SOD2: variants seen among roughly 807,000 people sequenced by gnomAD.
SOD2 encodes superoxide dismutase [Mn], mitochondrial.
In SOD2, 11 loss-of-function variants were observed where a neutral mutation model predicts 27.0. The ratio of observed to expected loss-of-function variants is 0.41; its 90% CI spans 0.26 to 0.67. The LOEUF (loss-of-function observed/expected upper bound fraction) is 0.67. SOD2 is among the 30% of genes least tolerant of loss of function. The pLI is 0.34. For missense variants in SOD2, 250 were observed against 274.5 expected (o/e 0.91, Z 0.63); for synonymous variants, 105 against 103.0 (o/e 1.02, Z -0.12).
At position 159,676,238 on chromosome 6, in the gene SOD2, C is replaced by T; in HGVS notation, c.*6255G>A. ...GAAATACCATTTGACCCAGCCATCCCATTACTGGGTATATACCCAAAGGAT... is the reference window on the plus strand; with the variant it reads ...GAAATACCATTTGACCCAGCCATCCTATTACTGGGTATATACCCAAAGGAT... On this transcript the variant is annotated 3_prime_UTR_variant, in exon 5 of 5. Transcript: ENST00000538183. 6.6e-6 allele frequency: 1 copy of T among 152,152 alleles called. No homozygotes were observed. Among genetic ancestry groups the T allele is most frequent in the Non-Finnish European group, 1.5e-5 (1 of 68,046 alleles). The allele number at this position is 152,152 out of a possible 1,614,324, so 9.4% of individuals were successfully genotyped here.
intron 1 of SOD2, among the ~76,000 whole-genome samples, chr6:159,754,611 T>G (rs1289161341): frequency 6.6e-6 from 1 of 152,228 alleles, no homozygotes; most frequent in Non-Finnish European, 1.5e-5. Context: ...CATATAAACC[T>G]ATGTACATCT....
chr6:159,698,676 A>G (rs1777473230), intron 1 of SOD2, among the ~76,000 whole-genome samples: 2 of 151,904 alleles, frequency 1.3e-5, no homozygotes, highest in South Asian at 4.2e-4. Flanking sequence ...AAACTTAACC[A>G]CTAATAGCCT....
intron 1 of SOD2, among the ~76,000 whole-genome samples, chr6:159,723,915 C>T (rs1488744013): frequency 2.6e-5 from 4 of 152,144 alleles, no homozygotes; most frequent in Non-Finnish European, 5.9e-5. Flanking sequence ...CAGGCCACCA[C>T]CCCTGGCTAT....
chr6:159,718,574 A>T (rs1777968337), intron 1 of SOD2, among the ~76,000 whole-genome samples: 1 of 152,222 alleles, frequency 6.6e-6, no homozygotes, highest in Admixed American at 6.5e-5. Context: ...AATTTTAAAA[A>T]TCTAAATGTT....
At chr6:159,728,572 T>G (rs528100469), upstream of SOD2, among the ~76,000 whole-genome samples, 133 of 152,372 alleles carry the variant, frequency 8.7e-4, 2 homozygotes, top group African/African-American at 3.1e-3. Flanking sequence ...CCATCGCAAG[T>G]TCTCGTTTTT....
chr6:159,711,953 A>T (rs1278887393), intron 1 of SOD2, among the ~76,000 whole-genome samples: 5 of 120,842 alleles, frequency 4.1e-5, no homozygotes, highest in African/African-American at 1.5e-4. Flanking sequence ...CATTGCTCTG[A>T]TCACCATAAC....
chr6:159,703,754 G>C (rs1407361508), intron 1 of SOD2, among the ~76,000 whole-genome samples: 1 of 152,150 alleles, frequency 6.6e-6, no homozygotes, highest in African/African-American at 2.4e-5. Flanking sequence ...TTTAACACAA[G>C]TGAAACTGCA....
At chr6:159,706,515 CAAAG>C (rs1168977646) in intron 1 of SOD2, among the ~76,000 whole-genome samples, 2 of 152,052 alleles carry the variant, frequency 1.3e-5, no homozygotes, top group South Asian at 2.1e-4. Context: ...TCAAAAGAGA[CAAAG>C]AAGGCCATTA....
At position 159,744,355 on chromosome 6, in the gene SOD2, ATAAT is replaced by A. The variant is rs1284418295; in HGVS notation, c.-116+771_-116+774del. On this transcript the variant is annotated intron_variant, in intron 1 of 3. Coordinates refer to the SOD2 transcript ENST00000537657. ...CAATCTTACGGTGTAATTATACAAA[ATAAT>A]TAGAGGCAGCTGTATCCTTGTTTCT... 2.0e-5 allele frequency among the ~76,000 whole-genome samples: 3 copies of A among 152,234 alleles called. No homozygotes were observed. In the South Asian group the frequency reaches 6.2e-4, roughly 32 times the overall value.
At chr6:159,727,591 C>G (rs1454823692), upstream of SOD2, 1 of 986,574 alleles carries the variant, frequency 1.0e-6, no homozygotes, top group South Asian at 4.6e-5. Context: ...GCGGCGGGGC[C>G]GGCGGCAGAG....
chr6:159,702,829 G>A (rs868530756), intron 1 of SOD2, among the ~76,000 whole-genome samples: 21 of 123,796 alleles, frequency 1.7e-4, no homozygotes, highest in Admixed American at 1.7e-3. Context: ...CAGCCTGGGC[G>A]ACAGAGCAAG....
chr6:159,742,995 G>A (rs542607329), intron 1 of SOD2, among the ~76,000 whole-genome samples: 1 of 152,124 alleles, frequency 6.6e-6, no homozygotes, highest in Non-Finnish European at 1.5e-5. Flanking sequence ...AACAGAATAA[G>A]ATCCTGCCTC....
chr6:159,743,411 G>T (rs1360102962), intron 1 of SOD2, among the ~76,000 whole-genome samples: 2 of 152,214 alleles, frequency 1.3e-5, no homozygotes, highest in East Asian at 3.8e-4. Context: ...GTATAACACA[G>T]ATGTTTTCTG....
At chr6:159,727,809 C>T, upstream of SOD2, 1 of 798,356 alleles carries the variant, frequency 1.3e-6, no homozygotes, top group Non-Finnish European at 1.5e-6. Context: ...GCCCGAAAGG[C>T]CACACGGGCC....
chr6:159,671,660 C>A lies in SOD2; in HGVS notation c.*10833G>T, dbSNP rs1779667953. The A allele has an allele frequency of 6.6e-6, 1 of 152,144 alleles. No individual in the cohort carries two copies. The highest frequency in any genetic ancestry group is 1.5e-5 in the Non-Finnish European group (1 of 68,020). 9.4% of individuals were successfully genotyped at this position (152,144 alleles called of 1,614,324 possible). On this transcript the variant is annotated 3_prime_UTR_variant, in exon 5 of 5. Transcript: ENST00000538183. ...ATGGGGAAAAAACAGAGCAGAAAAG[C>A]TGAAAATTCTAAAAATCAGAGCGCC...
rs1208106422 is a variant in SOD2, at chr6:159,675,657, C to G, written c.*6836G>C. ...AACCATAAAAACCCTAGAAGAAAAC[C>G]TATGCAGTACCATTCAGGACACAGG... On this transcript the variant is annotated 3_prime_UTR_variant, in exon 5 of 5. Coordinates refer to ENST00000538183, the MANE Select transcript of SOD2 (RefSeq NM_000636.4). 1 of 152,198 alleles carries G rather than the reference C, an allele frequency of 6.6e-6. No individual in the cohort carries two copies. Among genetic ancestry groups the G allele is most frequent in the Non-Finnish European group, 1.5e-5 (1 of 68,006 alleles). The allele number at this position is 152,198 out of a possible 1,614,324, so 9.4% of individuals were successfully genotyped here.
At chr6:159,724,353 T>C (rs1002221581) in intron 1 of SOD2, among the ~76,000 whole-genome samples, 5 of 152,186 alleles carry the variant, frequency 3.3e-5, no homozygotes, top group African/African-American at 7.2e-5. Context: ...TCTTTGTATA[T>C]AGTAACATTA....
intron 1 of SOD2, among the ~76,000 whole-genome samples, chr6:159,716,116 C>T (rs1029289483): frequency 6.6e-6 from 1 of 152,142 alleles, no homozygotes; most frequent in Non-Finnish European, 1.5e-5. Context: ...GTTTTGCTGG[C>T]ACCTCTCCAT....
chr6:159,712,312 C>G (rs1332558343), intron 1 of SOD2, among the ~76,000 whole-genome samples: 3 of 148,950 alleles, frequency 2.0e-5, no homozygotes, highest in South Asian at 4.4e-4. Flanking sequence ...CCATAACCAC[C>G]ACTCACACTG....
Sources: allele counts gnomAD v4.1 joint callset (sites outside exome capture counted in the v4.1 genomes callset), GRCh38; gene constraint gnomAD v4.1.1; transcripts MANE v1.5; gene names NCBI Gene and HGNC (gene_info 2026-07-23, HGNC 2026-07-21).